The following WWOX variants were observed in gnomAD, a reference collection of about 807,000 sequenced individuals.
WWOX encodes the protein WW domain containing oxidoreductase, also known as WW domain-containing oxidoreductase.
WWOX carries 69 observed loss-of-function variants against 46.2 expected under a neutral mutation model. The ratio of observed to expected loss-of-function variants is 1.49; its 90% CI spans 1.23 to 1.82. The LOEUF is 1.82. WWOX is among the 40% of genes most tolerant of loss of function. The pLI is 0.00. For synonymous variants in WWOX, 359 were observed against 202.6 expected (o/e 1.77, Z -6.56); for missense variants, 919 against 542.6 (o/e 1.69, Z -6.89).
chr16:78,226,182 C>G (rs990993304), intron 5 of WWOX, among the ~76,000 whole-genome samples: 1 of 152,112 alleles, frequency 6.6e-6, no homozygotes, highest in Non-Finnish European at 1.5e-5. Flanking sequence ...AAGCTGAGCC[C>G]TTTGGGGTAA....
chr16:78,609,322 A>C (rs1044482378), intron 8 of WWOX, among the ~76,000 whole-genome samples: 1 of 152,042 alleles, frequency 6.6e-6, no homozygotes, highest in African/African-American at 2.4e-5. Flanking sequence ...CTCATTTTCA[A>C]GGGGAGGCTT....
At chr16:78,860,795 C>T (rs2043865725) in intron 8 of WWOX, among the ~76,000 whole-genome samples, 1 of 152,096 alleles carries the variant, frequency 6.6e-6, no homozygotes, top group Non-Finnish European at 1.5e-5. Context: ...TAAAATGATC[C>T]AGCTTAGCTC....
At chr16:78,718,082 G>A (rs573991435) in intron 8 of WWOX, among the ~76,000 whole-genome samples, 2 of 62,810 alleles carry the variant, frequency 3.2e-5, no homozygotes, top group East Asian at 7.6e-4. Context: ...TCAAACAAGG[G>A]GTTCTGGTGG....
chr16:79,010,414 A>C (rs1294280884), intron 8 of WWOX, among the ~76,000 whole-genome samples: 1 of 152,096 alleles, frequency 6.6e-6, no homozygotes, highest in Non-Finnish European at 1.5e-5. Context: ...TATGTTTGCT[A>C]ATCAAGTGAA....
chr16:79,077,065 A>G (rs76676372), intron 8 of WWOX, among the ~76,000 whole-genome samples: 218 of 152,244 alleles, frequency 1.4e-3, no homozygotes, highest in Non-Finnish European at 2.5e-3. Flanking sequence ...CCACGTAATA[A>G]TTTGTCCAGG....
chr16:78,436,378 G>A (rs948453985), intron 8 of WWOX, among the ~76,000 whole-genome samples: 2 of 152,194 alleles, frequency 1.3e-5, no homozygotes, highest in Non-Finnish European at 2.9e-5. Context: ...TGAGGAAGCC[G>A]TAGGGTGTGG....
intron 8 of WWOX, among the ~76,000 whole-genome samples, chr16:78,711,676 A>T (rs1205294369): frequency 6.6e-6 from 1 of 152,186 alleles, no homozygotes; most frequent in Non-Finnish European, 1.5e-5. Flanking sequence ...CAAATGAAAG[A>T]ACCTTCCATA....
chr16:78,460,916 T>C (rs754365519), intron 8 of WWOX, among the ~76,000 whole-genome samples: 1 of 152,208 alleles, frequency 6.6e-6, no homozygotes, highest in Non-Finnish European at 1.5e-5. Context: ...TCTGAAGAAA[T>C]AGGCCCTCCA....
intron 8 of WWOX, among the ~76,000 whole-genome samples, chr16:78,940,070 C>G (rs12596284): frequency 0.43 from 65,155 of 152,012 alleles, 14,232 homozygotes; most frequent in Middle Eastern, 0.52. Flanking sequence ...TCCCATTATA[C>G]AAAAATGCAT....
At chr16:78,869,257 C>G (rs1362422877) in intron 8 of WWOX, among the ~76,000 whole-genome samples, 1 of 152,226 alleles carries the variant, frequency 6.6e-6, no homozygotes, top group Non-Finnish European at 1.5e-5. Flanking sequence ...TGTCACCCTG[C>G]TGGAAATGAA....
rs113503346 is a variant in WWOX, at chr16:78,743,927, C to A, written c.1056+311175C>A. ...AGGCTCTTGAGCCTCTATGCTTGGG[C>A]TGCTCCCACCGTTTGGAGTGTACTT... On this transcript the variant is annotated intron_variant, in intron 8 of 8. Coordinates refer to ENST00000566780, the MANE Select transcript of WWOX (RefSeq NM_016373.4). Among the ~76,000 whole-genome samples, 633 of 152,302 alleles carry A rather than the reference C, an allele frequency of 4.2e-3. 5 individuals are homozygous for A. Among genetic ancestry groups the A allele is most frequent in the African/African-American group, 0.014 (600 of 41,562 alleles).
chr16:78,758,811 G>A (rs1213867068), intron 8 of WWOX, among the ~76,000 whole-genome samples: 3 of 151,906 alleles, frequency 2.0e-5, no homozygotes, highest in Non-Finnish European at 4.4e-5. Context: ...TTGCTATAAG[G>A]AGGATGTATC....
Position 78,610,615 on chromosome 16 carries a change from GTCTGTTTATA to G in WWOX, c.1056+177870_1056+177879del, listed in dbSNP as rs145172391. ...TAGTCTCTCTGTGTGAGTTCTGAAA[GTCTGTTTATA>G]TCTGTTGCCCCTTCTCCTAAAGTGA... On this transcript the variant is annotated intron_variant, in intron 8 of 8. Coordinates refer to ENST00000566780, the MANE Select transcript of WWOX (RefSeq NM_016373.4). 4.4e-3 allele frequency among the ~76,000 whole-genome samples: 677 copies of G among 152,224 alleles called. 15 individuals are homozygous for G. The East Asian group carries it at 0.061, about 14-fold the overall frequency.
At chr16:78,444,529 AT>A (rs375008030) in intron 8 of WWOX, among the ~76,000 whole-genome samples, 157 of 144,714 alleles carry the variant, frequency 1.1e-3, no homozygotes, top group African/African-American at 4.2e-3. Context: ...ATGAGGAGCA[AT>A]TCTTTTTTTT....
At chr16:78,772,799 G>A (rs764001590) in intron 8 of WWOX, among the ~76,000 whole-genome samples, 1 of 152,114 alleles carries the variant, frequency 6.6e-6, no homozygotes, top group Non-Finnish European at 1.5e-5. Context: ...CAGGAGGATT[G>A]CTTGAGCTCA....
chr16:79,087,658 A>G (rs935811877), intron 8 of WWOX, among the ~76,000 whole-genome samples: 2 of 152,224 alleles, frequency 1.3e-5, no homozygotes, highest in African/African-American at 4.8e-5. Context: ...GGCCCATGGC[A>G]ACACCCTAGA....
chr16:78,424,014 C>G (rs1243776502), intron 6 of WWOX, among the ~76,000 whole-genome samples: 1 of 151,854 alleles, frequency 6.6e-6, no homozygotes, highest in Non-Finnish European at 1.5e-5. Flanking sequence ...GCGATTACCC[C>G]CTTGCTATGT....
intron 8 of WWOX, among the ~76,000 whole-genome samples, chr16:78,913,431 GC>G (rs1302429059): frequency 6.6e-6 from 1 of 151,824 alleles, no homozygotes; most frequent in Non-Finnish European, 1.5e-5. Context: ...AACCTGTCTT[GC>G]AAAACCCTCA....
chr16:78,887,864 C>A (rs1180543180), intron 8 of WWOX, among the ~76,000 whole-genome samples: 2 of 152,100 alleles, frequency 1.3e-5, no homozygotes, highest in Non-Finnish European at 2.9e-5. Flanking sequence ...TGGTTCATGT[C>A]CTGGTGTTCA....
Sources: allele counts gnomAD v4.1 joint callset (sites outside exome capture counted in the v4.1 genomes callset), GRCh38; gene constraint gnomAD v4.1.1; transcripts MANE v1.5; gene names NCBI Gene and HGNC (gene_info 2026-07-23, HGNC 2026-07-21).